MAN1A2: variants seen among roughly 807,000 people sequenced by gnomAD.
MAN1A2 encodes the protein mannosyl-oligosaccharide 1,2-alpha-mannosidase IB.
MAN1A2 carries 26 observed loss-of-function variants against 75.7 expected under a neutral mutation model. That is an observed-to-expected ratio of 0.34 (90% confidence interval 0.25 to 0.48). The LOEUF is 0.48. Among genes scored for constraint, MAN1A2 ranks in the 20% least tolerant of loss-of-function variants. MAN1A2 has a pLI of 0.99. For synonymous variants in MAN1A2, 247 were observed against 264.6 expected, an observed-to-expected ratio of 0.93 and a Z score of 0.65; for missense variants, 562 against 775.5, an observed-to-expected ratio of 0.72 and a Z score of 3.27.
chr1:117,475,873 T>C (rs1468433994), intron 8 of MAN1A2, among the ~76,000 whole-genome samples: 1 of 152,204 alleles, frequency 6.6e-6, no homozygotes, highest in Non-Finnish European at 1.5e-5. Context: ...CCTTTGGGTG[T>C]ATACCCAGTA....
At position 117,381,116 on chromosome 1, in the gene MAN1A2, G is replaced by C. The variant is rs187776360; in HGVS notation, c.302+12631G>C. The stretch of plus-strand genomic sequence containing the variant: ...CCTAGGTATTTTGCTCTTTTGTATG[G>C]TATCGCAAATGCAATTGTTCTCTTA... On this transcript the variant is annotated intron_variant, in intron 1 of 12. Transcript: ENST00000356554. 1.4e-3 allele frequency among the ~76,000 whole-genome samples: 208 copies of C among 151,942 alleles called. 2 individuals carry two copies. Among genetic ancestry groups the C allele is most frequent in the African/African-American group, 4.8e-3 (200 of 41,424 alleles).
chr1:117,368,038 T>A lies in MAN1A2; in HGVS notation c.-146T>A. 1.4e-6 allele frequency: 1 copy of A among 709,250 alleles called. No individual in the cohort carries two copies. Among genetic ancestry groups the A allele is most frequent in the Admixed American group, 2.7e-5 (1 of 36,618 alleles). 43.9% of individuals were successfully genotyped at this position (709,250 alleles called of 1,614,324 possible). On this transcript the variant is annotated 5_prime_UTR_variant, in exon 1 of 13. Coordinates refer to ENST00000356554, the MANE Select transcript of MAN1A2 (RefSeq NM_006699.5). The stretch of plus-strand genomic sequence containing the variant: ...TGGGAATGGATGGGCGTGAATGACG[T>A]GCCCTCTTAAAAAGCACAACAGTCC...
intron 1 of MAN1A2, among the ~76,000 whole-genome samples, chr1:117,391,107 T>C (rs950871628): frequency 6.6e-6 from 1 of 152,248 alleles, no homozygotes; most frequent in East Asian, 1.9e-4. Context: ...TTGGAGACTA[T>C]CCAGATACCT....
At chr1:117,446,396 CT>C (rs933132489) in intron 6 of MAN1A2, among the ~76,000 whole-genome samples, 1 of 151,984 alleles carries the variant, frequency 6.6e-6, no homozygotes, top group Non-Finnish European at 1.5e-5. Context: ...ATCTTTCTCT[CT>C]TTTCCCCCCA....
intron 6 of MAN1A2, among the ~76,000 whole-genome samples, chr1:117,445,972 T>G (rs1048807359): frequency 1.4e-5 from 2 of 147,728 alleles, no homozygotes; most frequent in African/African-American, 4.9e-5. Flanking sequence ...TTATATATGA[T>G]ATATAAACAT....
At chr1:117,410,438 A>G (rs1647767828) in intron 3 of MAN1A2, among the ~76,000 whole-genome samples, 1 of 151,872 alleles carries the variant, frequency 6.6e-6, no homozygotes, top group Non-Finnish European at 1.5e-5. Context: ...CTTTAACCTG[A>G]TAAAGAGAAT....
chr1:117,424,379 G>A (rs991397483), intron 5 of MAN1A2, among the ~76,000 whole-genome samples: 1 of 152,130 alleles, frequency 6.6e-6, no homozygotes, highest in Non-Finnish European at 1.5e-5. Context: ...CACGATCATG[G>A]CATATGGCTT....
Position 117,524,922 on chromosome 1 carries a change from C to T in MAN1A2, c.*1965C>T. The T allele has an allele frequency of 1.3e-5, 4 of 318,028 alleles. No homozygotes were observed. The highest frequency in any genetic ancestry group is 1.1e-4 in the South Asian group (4 of 35,336). 19.7% of individuals were successfully genotyped at this position (318,028 alleles called of 1,614,324 possible). A position where few individuals can be genotyped will look rare whatever the true frequency, so the allele number is the denominator to read the frequency against. On this transcript the variant is annotated 3_prime_UTR_variant, in exon 13 of 13. Coordinates refer to ENST00000356554, the MANE Select transcript of MAN1A2 (RefSeq NM_006699.5). ...GTATTTGGTTCTAAAAAATGTTAGCCTTCCTCGTAAAAGTAGCACAAGCCC... is the reference window on the plus strand; with the variant it reads ...GTATTTGGTTCTAAAAAATGTTAGCTTTCCTCGTAAAAGTAGCACAAGCCC...
At chr1:117,402,077 T>C (rs1647449592) in intron 1 of MAN1A2, 109 bp from the exon 2 acceptor site, 2 of 1,148,244 alleles carry the variant, frequency 1.7e-6, no homozygotes, top group African/African-American at 3.1e-5. Flanking sequence ...ATGGCAAAAG[T>C]AGAAAACAAG....
At chr1:117,389,326 G>A (rs899972870) in intron 1 of MAN1A2, among the ~76,000 whole-genome samples, 2 of 152,252 alleles carry the variant, frequency 1.3e-5, no homozygotes, top group South Asian at 4.1e-4. Context: ...GTGGGGTGGG[G>A]GATGATGGCT....
At chr1:117,409,846 T>G (rs1436643229) in intron 3 of MAN1A2, among the ~76,000 whole-genome samples, 1 of 152,042 alleles carries the variant, frequency 6.6e-6, no homozygotes, top group East Asian at 1.9e-4. Flanking sequence ...TAGAGCAATA[T>G]CCCTTATGAA....
intron 5 of MAN1A2, among the ~76,000 whole-genome samples, chr1:117,431,930 A>G (rs1255287166): frequency 6.6e-6 from 1 of 152,220 alleles, no homozygotes; most frequent in Non-Finnish European, 1.5e-5. Context: ...AGCTGGGGCA[A>G]CAGAGCAAAA....
chr1:117,385,562 G>A (rs184829235), intron 1 of MAN1A2, among the ~76,000 whole-genome samples: 96 of 152,236 alleles, frequency 6.3e-4, no homozygotes, highest in African/African-American at 2.3e-3. Flanking sequence ...AAAGTTTTAT[G>A]TTCTGTATTG....
intron 3 of MAN1A2, among the ~76,000 whole-genome samples, chr1:117,413,925 T>C (rs1291480643): frequency 1.3e-5 from 2 of 152,012 alleles, no homozygotes; most frequent in East Asian, 1.9e-4. Context: ...TGTAGAGTTA[T>C]ATTCATTAGT....
At chr1:117,470,778 A>T (rs1397442542) in intron 8 of MAN1A2, among the ~76,000 whole-genome samples, 1 of 151,970 alleles carries the variant, frequency 6.6e-6, no homozygotes, top group African/African-American at 2.4e-5. Context: ...TTTTATTATT[A>T]TCTTTGAGCT....
intron 5 of MAN1A2, among the ~76,000 whole-genome samples, chr1:117,428,093 C>G (rs1570734662): frequency 2.7e-5 from 1 of 37,436 alleles, no homozygotes; most frequent in Non-Finnish European, 6.2e-5. Context: ...AACTGTAAAT[C>G]TCTCTCTCTC....
chr1:117,369,040 GTTC>G (rs939890856), intron 1 of MAN1A2, among the ~76,000 whole-genome samples: 14 of 152,238 alleles, frequency 9.2e-5, no homozygotes, highest in African/African-American at 3.4e-4. Context: ...CCTGATTTTT[GTTC>G]TTTTTTTGGG....
At chr1:117,417,706 A>ACTCT (rs772502807) in intron 4 of MAN1A2, among the ~76,000 whole-genome samples, 4,674 of 143,496 alleles carry the variant, frequency 0.033, 280 homozygotes, top group African/African-American at 0.11. Flanking sequence ...ACACACACAC[A>ACTCT]CTCTCTCTCT....
intron 12 of MAN1A2, among the ~76,000 whole-genome samples, chr1:117,512,252 CCAGA>C (rs1330646338): frequency 3.9e-5 from 6 of 151,978 alleles, no homozygotes; most frequent in African/African-American, 1.5e-4. Context: ...AGTCAAAGGT[CCAGA>C]TGCCCACATA....
Sources: allele counts gnomAD v4.1 joint callset (sites outside exome capture counted in the v4.1 genomes callset), GRCh38; gene constraint gnomAD v4.1.1; transcripts MANE v1.5; gene names NCBI Gene and HGNC (gene_info 2026-07-23, HGNC 2026-07-21).